The following GSTCD variants were observed in gnomAD, a reference collection of about 807,000 sequenced individuals.
GSTCD encodes glutathione S-transferase C-terminal domain containing.
GSTCD carries 44 observed loss-of-function variants against 68.3 expected under a neutral mutation model. The ratio of observed to expected loss-of-function variants is 0.64; its 90% CI spans 0.51 to 0.83. The LOEUF (loss-of-function observed/expected upper bound fraction) is 0.83. Among genes scored for constraint, GSTCD ranks in the 40% least tolerant of loss-of-function variants. The pLI is 0.00. For synonymous variants in GSTCD, 273 were observed against 255.2 expected, an observed-to-expected ratio of 1.07 and a Z score of -0.67; for missense variants, 739 against 735.9, an observed-to-expected ratio of 1.00 and a Z score of -0.05.
At chr4:105,788,640 A>C (rs1405369833) in intron 5 of GSTCD, among the ~76,000 whole-genome samples, 1 of 152,086 alleles carries the variant, frequency 6.6e-6, no homozygotes, top group Non-Finnish European at 1.5e-5. Flanking sequence ...TTAGGGTTTA[A>C]GATACACATC....
chr4:105,752,466 T>C (rs1361367235), intron 5 of GSTCD, among the ~76,000 whole-genome samples: 2 of 152,122 alleles, frequency 1.3e-5, no homozygotes, highest in Non-Finnish European at 2.9e-5. Flanking sequence ...CTTCTAGAAG[T>C]ATTGCTTTTT....
At chr4:105,752,583 G>GT (rs893396549) in intron 5 of GSTCD, among the ~76,000 whole-genome samples, 1 of 151,882 alleles carries the variant, frequency 6.6e-6, no homozygotes, top group South Asian at 2.1e-4. Flanking sequence ...AATTGTCTGG[G>GT]TTTTTTTGTG....
intron 5 of GSTCD, among the ~76,000 whole-genome samples, chr4:105,734,139 T>C (rs1481762097): frequency 1.3e-5 from 2 of 152,210 alleles, no homozygotes; most frequent in Non-Finnish European, 2.9e-5. Context: ...TCATTTCAAC[T>C]TTGGTGAATC....
At chr4:105,803,712 C>T (rs1030213339) in intron 5 of GSTCD, among the ~76,000 whole-genome samples, 2 of 151,094 alleles carry the variant, frequency 1.3e-5, no homozygotes, top group African/African-American at 4.9e-5. Context: ...AAAAAAAATG[C>T]AACTCCATGT....
chr4:105,807,482 T>C (rs1722564192), intron 5 of GSTCD, among the ~76,000 whole-genome samples: 1 of 152,106 alleles, frequency 6.6e-6, no homozygotes, highest in African/African-American at 2.4e-5. Context: ...ATCTTAAGTA[T>C]CCTTTAATAT....
intron 1 of GSTCD, among the ~76,000 whole-genome samples, chr4:105,709,984 T>TAA (rs1732468491): frequency 6.6e-6 from 1 of 152,040 alleles, no homozygotes. Flanking sequence ...TCTTTTTTTT[T>TAA]AACTGCCTGA....
chr4:105,769,221 C>T (rs1006790741), intron 5 of GSTCD, among the ~76,000 whole-genome samples: 9 of 119,744 alleles, frequency 7.5e-5, no homozygotes, highest in African/African-American at 2.9e-4. Flanking sequence ...TAAAAATATA[C>T]TATACACGCG....
intron 4 of GSTCD, among the ~76,000 whole-genome samples, chr4:105,728,916 G>C (rs1188583733): frequency 2.0e-5 from 3 of 152,156 alleles, no homozygotes; most frequent in Non-Finnish European, 4.4e-5. Context: ...TTTCTCTAGT[G>C]ACATTAAAGG....
intron 5 of GSTCD, chr4:105,821,220 A>G (rs895358916): frequency 6.6e-6 from 1 of 151,924 alleles, no homozygotes; most frequent in African/African-American, 2.4e-5. Context: ...AATATAAGGC[A>G]TATTTAGATG....
In GSTCD at chr4:105,719,517, A is replaced by C; in HGVS notation, c.884A>C (p.His295Pro). ...LADIVLLPCI[H>P]HFLVIISRKF... ...GATATTGTGCTCTTGCCCTGTATCC[A>C]TCATTTCTTGGTAAGGTTTCATCTG... Residue 295 changes from histidine to proline, a missense_variant, in exon 3 of 12, where the codon CAT (histidine) becomes CCT (proline). Coordinates refer to ENST00000515279, the MANE Select transcript of GSTCD (RefSeq NM_001370181.1). The C allele has an allele frequency of 6.2e-7, 1 of 1,612,664 alleles. No individual in the cohort carries two copies. The highest frequency in any genetic ancestry group is 1.1e-5 in the South Asian group (1 of 91,028).
rs142623312 is a variant in GSTCD, at chr4:105,743,862, G to A, written c.1240+14363G>A. Among the ~76,000 whole-genome samples, 1,457 of 151,642 alleles carry A rather than the reference G, an allele frequency of 9.6e-3. 19 individuals are homozygous for A. Among genetic ancestry groups the A allele is most frequent in the African/African-American group, 0.029 (1,219 of 41,346 alleles). ...TTTTTAGTAGAGATGGGGTTTCACCGTGCTAGCCAGGATGGTCTCAATCTC... is the reference window on the plus strand; with the variant it reads ...TTTTTAGTAGAGATGGGGTTTCACCATGCTAGCCAGGATGGTCTCAATCTC... On this transcript the variant is annotated intron_variant, in intron 5 of 11. Coordinates refer to ENST00000515279, the MANE Select transcript of GSTCD (RefSeq NM_001370181.1).
chr4:105,737,267 T>A (rs1036713456), intron 5 of GSTCD, among the ~76,000 whole-genome samples: 1 of 152,200 alleles, frequency 6.6e-6, no homozygotes, highest in African/African-American at 2.4e-5. Flanking sequence ...TTTTTAATAA[T>A]AGACGTTCTA....
intron 3 of GSTCD, among the ~76,000 whole-genome samples, chr4:105,724,106 T>C (rs1732954557): frequency 6.6e-6 from 1 of 151,884 alleles, no homozygotes; most frequent in African/African-American, 2.4e-5. Flanking sequence ...GTGAAATATA[T>C]CTGTAGAGAT....
chr4:105,766,690 A>G (rs976717200), intron 5 of GSTCD, among the ~76,000 whole-genome samples: 5 of 152,068 alleles, frequency 3.3e-5, no homozygotes, highest in African/African-American at 9.7e-5. Flanking sequence ...TCATGTTTTC[A>G]TTGAATATAT....
rs539907935 is a variant in GSTCD at position 105,829,431 on chromosome 4, G to A, written c.1530+3631G>A. On this transcript the variant is annotated intron_variant, in intron 8 of 11. Coordinates refer to ENST00000515279, the MANE Select transcript of GSTCD (RefSeq NM_001370181.1). ...CTAATAAAGACATACCCAAGACTGG[G>A]TAATTTATAAAGAAAAGAGGTTTAA... is the stretch of plus-strand genomic sequence containing the variant. Among the ~76,000 whole-genome samples, 17 of 152,262 alleles carry A rather than the reference G, an allele frequency of 1.1e-4. No homozygotes were observed. In the South Asian group the frequency reaches 3.3e-3, roughly 30 times the overall value.
intron 5 of GSTCD, among the ~76,000 whole-genome samples, chr4:105,794,606 CAT>C (rs779813876): frequency 2.0e-4 from 30 of 151,528 alleles, no homozygotes; most frequent in South Asian, 6.2e-4. Context: ...AACACACTCA[CAT>C]GTTTTAATAT....
chr4:105,817,128 C>G (rs915504872), intron 5 of GSTCD, among the ~76,000 whole-genome samples: 3 of 151,654 alleles, frequency 2.0e-5, no homozygotes, highest in Non-Finnish European at 4.4e-5. Context: ...TTTCTAAGCA[C>G]AAATATAATG....
chr4:105,746,207 T>C (rs1027515214), intron 5 of GSTCD: 1 of 152,178 alleles, frequency 6.6e-6, no homozygotes, highest in African/African-American at 2.4e-5. Context: ...ATATGTATTA[T>C]AATAAAGTAA....
chr4:105,715,290 T>G (rs1732649775), intron 1 of GSTCD, among the ~76,000 whole-genome samples: 1 of 152,130 alleles, frequency 6.6e-6, no homozygotes, highest in African/African-American at 2.4e-5. Flanking sequence ...TTTCCAGAGC[T>G]CTATTCAGCT....
Sources: allele counts gnomAD v4.1 joint callset (sites outside exome capture counted in the v4.1 genomes callset), GRCh38; gene constraint gnomAD v4.1.1; transcripts MANE v1.5; gene names NCBI Gene and HGNC (gene_info 2026-07-23, HGNC 2026-07-21).